The following PARD3B variants were observed in gnomAD, a reference collection of about 807,000 sequenced individuals.
PARD3B encodes the protein partitioning defective 3 homolog B.
In PARD3B, 103 loss-of-function variants were observed where a neutral mutation model predicts 130.2. The ratio of observed to expected loss-of-function variants is 0.79; its 90% confidence interval spans 0.67 to 0.93. PARD3B has a LOEUF of 0.93. Among genes scored for constraint, PARD3B ranks in the 40% least tolerant of loss-of-function variants. The probability of loss-of-function intolerance (pLI) is 0.00; values close to 1 mark genes in which losing one functional copy is unlikely to be tolerated. For missense variants in PARD3B, 1,609 were observed against 1,499.2 expected, an observed-to-expected ratio of 1.07 and a Z score of -1.21; for synonymous variants, 583 against 553.2, an observed-to-expected ratio of 1.05 and a Z score of -0.76.
At chr2:204,936,301 A>G (rs1430897980) in intron 2 of PARD3B, among the ~76,000 whole-genome samples, 1 of 152,232 alleles carries the variant, frequency 6.6e-6, no homozygotes, top group Non-Finnish European at 1.5e-5. Context: ...GCATTTGAGT[A>G]AGAAGGATTC....
chr2:205,260,112 T>C (rs559547187), intron 16 of PARD3B, among the ~76,000 whole-genome samples: 1 of 152,272 alleles, frequency 6.6e-6, no homozygotes, highest in East Asian at 1.9e-4. Context: ...TATGCTACCA[T>C]TAGGTAGTCA....
At chr2:205,426,972 G>C (rs981475784) in intron 19 of PARD3B, among the ~76,000 whole-genome samples, 6 of 152,052 alleles carry the variant, frequency 3.9e-5, no homozygotes, top group Non-Finnish European at 8.8e-5. Context: ...GATATGGACA[G>C]CTCACAGAAG....
intron 1 of PARD3B, among the ~76,000 whole-genome samples, chr2:204,584,102 G>A (rs998911188): frequency 3.3e-5 from 5 of 152,196 alleles, no homozygotes; most frequent in Admixed American, 6.5e-5. Context: ...AGGGTGAGGT[G>A]GTTTGTGCTC....
intron 1 of PARD3B, among the ~76,000 whole-genome samples, chr2:204,575,571 G>A (rs952976372): frequency 6.6e-6 from 1 of 152,164 alleles, no homozygotes; most frequent in Non-Finnish European, 1.5e-5. Context: ...AATGGACTTA[G>A]GCTGGAAATG....
chr2:204,676,801 C>CTGGGA (rs1452307171), intron 1 of PARD3B, among the ~76,000 whole-genome samples: 4 of 151,556 alleles, frequency 2.6e-5, no homozygotes, highest in African/African-American at 9.7e-5. Flanking sequence ...TCCTGAGTAG[C>CTGGGA]TGGGATTACA....
At chr2:205,077,035 A>G (rs1701110370) in intron 4 of PARD3B, among the ~76,000 whole-genome samples, 2 of 152,210 alleles carry the variant, frequency 1.3e-5, no homozygotes, top group Admixed American at 1.3e-4. Context: ...GTCACAACTC[A>G]TTAATAGCAA....
At chr2:205,171,702 T>G (rs753613227) in intron 11 of PARD3B, among the ~76,000 whole-genome samples, 4 of 152,212 alleles carry the variant, frequency 2.6e-5, no homozygotes, top group Non-Finnish European at 4.4e-5. Flanking sequence ...ATTATGTGGT[T>G]GTTTTTTTTT....
chr2:205,558,298 C>T lies in PARD3B; in HGVS notation c.3260+4895C>T, dbSNP rs1017020983. On this transcript the variant is annotated intron_variant, in intron 22 of 22. Coordinates refer to ENST00000406610, the MANE Select transcript of PARD3B (RefSeq NM_001302769.2). The surrounding 1 kb of genome is among the most constrained non-coding windows in gnomAD (Gnocchi z 4.8). Reference sequence around the variant, plus strand: ...AACCAGGAAGGTGGAGCATGATGCTCTAGCTCCCAGGGCAGACATGGCATG... The same window carrying T: ...AACCAGGAAGGTGGAGCATGATGCTTTAGCTCCCAGGGCAGACATGGCATG... Among the ~76,000 whole-genome samples, 1 of 152,116 alleles carries T rather than the reference C, an allele frequency of 6.6e-6. No homozygotes were observed. Among genetic ancestry groups the T allele is most frequent in the African/African-American group, 2.4e-5 (1 of 41,408 alleles).
At chr2:204,744,346 C>G (rs1051820920) in intron 2 of PARD3B, among the ~76,000 whole-genome samples, 1 of 152,054 alleles carries the variant, frequency 6.6e-6, no homozygotes, top group Non-Finnish European at 1.5e-5. Context: ...CTGATTCAAA[C>G]GAGGCCAAAG....
chr2:205,303,156 G>T (rs2042072209), intron 18 of PARD3B, among the ~76,000 whole-genome samples: 1 of 152,080 alleles, frequency 6.6e-6, no homozygotes, highest in African/African-American at 2.4e-5. Context: ...CTTCCTTTCT[G>T]CCTGTTGGAC....
At chr2:205,553,169 A>G (rs1416177828) in intron 21 of PARD3B, among the ~76,000 whole-genome samples, 155 bp from the exon 22 acceptor site, 1 of 152,162 alleles carries the variant, frequency 6.6e-6, no homozygotes, top group Non-Finnish European at 1.5e-5. Flanking sequence ...TTGATCATCA[A>G]TTCCTATAGC....
intron 4 of PARD3B, among the ~76,000 whole-genome samples, chr2:205,052,446 TATATAA>T (rs376291536): frequency 0.44 from 35,726 of 81,860 alleles, 5,356 homozygotes; most frequent in African/African-American, 0.45. Context: ...TATATATATA[TATATAA>T]AATTAAAAAA....
At chr2:204,553,235 A>T (rs1391370747) in intron 1 of PARD3B, among the ~76,000 whole-genome samples, 1 of 152,198 alleles carries the variant, frequency 6.6e-6, no homozygotes, top group Non-Finnish European at 1.5e-5. Context: ...AAGAATGGCC[A>T]TCATCAAAAA....
intron 18 of PARD3B, among the ~76,000 whole-genome samples, chr2:205,382,373 T>C (rs562382692): frequency 3.9e-5 from 6 of 152,240 alleles, no homozygotes; most frequent in South Asian, 2.1e-4. Context: ...TGAAGTGATA[T>C]ACTCTTCTTA....
Position 205,111,149 on chromosome 2 carries a change from TTTA to T in PARD3B, c.594-2338_594-2336del, listed in dbSNP as rs1046321084. Among the ~76,000 whole-genome samples the T allele has an allele frequency of 1.2e-3, 188 of 152,202 alleles. 2 individuals carry two copies. The highest frequency in any genetic ancestry group is 4.3e-3 in the African/African-American group (178 of 41,562). ...TGATGAGACATGGTCTATGTAAAAT[TTTA>T]TTACTTATCTTTATTAAATAGATCT... On this transcript the variant is annotated intron_variant, in intron 5 of 22. Coordinates refer to ENST00000406610, the MANE Select transcript of PARD3B (RefSeq NM_001302769.2).
At chr2:205,383,579 G>C (rs1467218649) in intron 18 of PARD3B, among the ~76,000 whole-genome samples, 1 of 151,924 alleles carries the variant, frequency 6.6e-6, no homozygotes, top group East Asian at 1.9e-4. Context: ...ATATCTGTTT[G>C]GGTTCCCTCC....
chr2:204,902,569 T>C (rs577063138), intron 2 of PARD3B, among the ~76,000 whole-genome samples: 1 of 147,706 alleles, frequency 6.8e-6, no homozygotes, highest in South Asian at 2.1e-4. Context: ...CTCGGGAGGC[T>C]GAGGCAGGAG....
At chr2:204,666,130 G>A (rs1318156467) in intron 1 of PARD3B, among the ~76,000 whole-genome samples, 2 of 152,314 alleles carry the variant, frequency 1.3e-5, no homozygotes, top group Admixed American at 6.5e-5. Flanking sequence ...TCAAGTGGGG[G>A]AGTAAAGCAT....
intron 4 of PARD3B, among the ~76,000 whole-genome samples, chr2:205,054,434 ATATTTT>A (rs1378781285): frequency 1.0e-4 from 3 of 29,480 alleles, no homozygotes; most frequent in Non-Finnish European, 1.1e-4. Context: ...ATATATATAT[ATATTTT>A]TTTTTTTTTT....
Sources: allele counts gnomAD v4.1 joint callset (sites outside exome capture counted in the v4.1 genomes callset), GRCh38; gene constraint gnomAD v4.1.1; non-coding constraint Gnocchi (gnomAD v3.1); transcripts MANE v1.5; gene names NCBI Gene and HGNC (gene_info 2026-07-23, HGNC 2026-07-21).